The following GPC4 variants were observed in gnomAD, a reference collection of about 807,000 sequenced individuals.
GPC4 encodes the protein glypican 4.
GPC4 carries 10 observed loss-of-function variants against 35.0 expected under a neutral mutation model. The ratio of observed to expected loss-of-function variants is 0.29; its 90% CI spans 0.18 to 0.48. GPC4 has a LOEUF of 0.48. Among genes scored for constraint, GPC4 ranks in the 20% least tolerant of loss-of-function variants. The pLI, the probability that GPC4 is intolerant of heterozygous loss-of-function variation, is 0.99. For synonymous variants in GPC4, 167 were observed against 170.2 expected, an observed-to-expected ratio of 0.98 and a Z score of 0.15; for missense variants, 322 against 451.3, an observed-to-expected ratio of 0.71 and a Z score of 2.60.
At chrX:133,322,539 G>A (rs1315269843) in intron 3 of GPC4, among the ~76,000 whole-genome samples, 3 of 96,981 alleles carry the variant, frequency 3.1e-5, no homozygotes, top group African/African-American at 4.3e-5. Context: ...AAGCCTGGGC[G>A]ACAGAGTGAG....
At chrX:133,351,552 A>G (rs2068516265) in intron 1 of GPC4, among the ~76,000 whole-genome samples, 1 of 110,563 alleles carries the variant, frequency 9.0e-6, no homozygotes, top group Non-Finnish European at 1.9e-5. Flanking sequence ...CAATGTCCTC[A>G]GCCTTTATTA....
chrX:133,377,324 C>T lies in GPC4; in HGVS notation c.160+37482G>A, dbSNP rs191400773. Among the ~76,000 whole-genome samples the T allele has an allele frequency of 4.5e-5, 5 of 111,599 alleles. No individual in the cohort carries two copies. In the Admixed American group the frequency reaches 4.7e-4, roughly 11 times the overall value. The stretch of plus-strand genomic sequence containing the variant: ...CAGCCTTTTTAATACAATTTCCTCA[C>T]ATGCAACAGCACCAGTTCTTTTTTC... On this transcript the variant is annotated intron_variant, in intron 1 of 8. Transcript: ENST00000370828.
intron 1 of GPC4, among the ~76,000 whole-genome samples, chrX:133,353,821 C>G (rs1323602507): frequency 9.0e-6 from 1 of 111,291 alleles, no homozygotes; most frequent in African/African-American, 3.3e-5. Context: ...ACAACTGATG[C>G]AAGTGGTGAT....
intron 1 of GPC4, among the ~76,000 whole-genome samples, chrX:133,412,789 G>A (rs1025541684): frequency 9.0e-6 from 1 of 111,577 alleles, no homozygotes; most frequent in African/African-American, 3.3e-5. Context: ...CACCCTTCAA[G>A]CTTCCTTTTT....
chrX:133,412,369 T>G (rs1440859443), intron 1 of GPC4, among the ~76,000 whole-genome samples: 1 of 112,067 alleles, frequency 8.9e-6, no homozygotes, highest in East Asian at 2.8e-4. Context: ...TGTCCTAGAC[T>G]CAAATGAATG....
At chrX:133,352,087 T>A (rs2068518895) in intron 1 of GPC4, among the ~76,000 whole-genome samples, 1 of 111,100 alleles carries the variant, frequency 9.0e-6, no homozygotes, top group African/African-American at 3.3e-5. Context: ...TCCAACCCCC[T>A]CCCCACCACA....
intron 3 of GPC4, among the ~76,000 whole-genome samples, chrX:133,322,040 A>G (rs920234135): frequency 7.2e-5 from 8 of 111,855 alleles, no homozygotes; most frequent in Admixed American, 3.8e-4. Context: ...TTCATAATAA[A>G]CCATTCTTTA....
intron 1 of GPC4, among the ~76,000 whole-genome samples, chrX:133,408,126 A>G (rs942194618): frequency 8.0e-5 from 9 of 112,813 alleles, no homozygotes; most frequent in South Asian, 3.6e-4. Context: ...GAATCGCTTC[A>G]TGCATTTTCT....
chrX:133,352,458 A>G (rs1252189598), intron 1 of GPC4, among the ~76,000 whole-genome samples: 4 of 109,947 alleles, frequency 3.6e-5, no homozygotes, highest in Non-Finnish European at 7.6e-5. Flanking sequence ...TCCCACACAC[A>G]TGCTGTTTCA....
intron 1 of GPC4, among the ~76,000 whole-genome samples, chrX:133,357,681 C>T (rs894950654): frequency 3.6e-5 from 4 of 111,137 alleles, no homozygotes; most frequent in Non-Finnish European, 7.5e-5. Flanking sequence ...CCAGCTTAGG[C>T]TCAGTTCTGT....
At chrX:133,303,998 G>C (rs1307661824) in intron 7 of GPC4, among the ~76,000 whole-genome samples, 2 of 109,573 alleles carry the variant, frequency 1.8e-5, no homozygotes, top group Non-Finnish European at 3.8e-5. Flanking sequence ...TTGAAGTAAA[G>C]AAGTATGGGT....
At chrX:133,380,992 A>G (rs1236269833) in intron 1 of GPC4, among the ~76,000 whole-genome samples, 1 of 112,006 alleles carries the variant, frequency 8.9e-6, no homozygotes, top group African/African-American at 3.2e-5. Context: ...AGCAATTTTT[A>G]GTAAGCAATA....
At chrX:133,304,003 AT>A (rs2068280149) in intron 7 of GPC4, among the ~76,000 whole-genome samples, 1 of 109,156 alleles carries the variant, frequency 9.2e-6, no homozygotes, top group Admixed American at 9.9e-5. Context: ...GTAAAGAAGT[AT>A]GGGTACTGGC....
rs1305397701 is a variant in GPC4, at chrX:133,300,865, G to C, written c.*2002C>G. 9.0e-6 allele frequency: 1 copy of C among 111,475 alleles called. No individual in the cohort carries two copies. The highest frequency in any genetic ancestry group is 3.3e-5 in the African/African-American group (1 of 30,666). 9.2% of individuals were successfully genotyped at this position (111,475 alleles called of 1,213,427 possible). A position where few individuals can be genotyped will look rare whatever the true frequency, so the allele number is the denominator to read the frequency against. On this transcript the variant is annotated 3_prime_UTR_variant, in exon 9 of 9. Transcript: ENST00000370828. ...AAGTAATAGCAGTCTAAGCTAAAAA[G>C]GAAATTCCTCACAACTGAGGTAGTT...
At chrX:133,399,045 A>G (rs2068756987) in intron 1 of GPC4, among the ~76,000 whole-genome samples, 1 of 111,428 alleles carries the variant, frequency 9.0e-6, no homozygotes, top group South Asian at 3.9e-4. Context: ...GTCACCATTG[A>G]TAAAGGCTTG....
At chrX:133,397,175 A>G (rs1317915665) in intron 1 of GPC4, among the ~76,000 whole-genome samples, 1 of 112,471 alleles carries the variant, frequency 8.9e-6, no homozygotes, top group Non-Finnish European at 1.9e-5. Flanking sequence ...CTGTAATCCC[A>G]GCACTTTGGG....
At chrX:133,393,475 T>G (rs984999759) in intron 1 of GPC4, among the ~76,000 whole-genome samples, 2 of 107,898 alleles carry the variant, frequency 1.9e-5, no homozygotes, top group African/African-American at 6.8e-5. Context: ...AAGGGTGAAT[T>G]TGGGAAGTGC....
intron 1 of GPC4, among the ~76,000 whole-genome samples, chrX:133,349,805 G>C (rs2124142467): frequency 9.0e-6 from 1 of 111,268 alleles, no homozygotes; most frequent in East Asian, 2.8e-4. Flanking sequence ...ATTTTTTGTA[G>C]AGATGGGGTT....
chrX:133,380,341 C>T (rs2068655083), intron 1 of GPC4, among the ~76,000 whole-genome samples: 1 of 100,552 alleles, frequency 9.9e-6, no homozygotes. Context: ...TGTCTGCCCG[C>T]ACCACCCCCA....
Sources: allele counts gnomAD v4.1 joint callset (sites outside exome capture counted in the v4.1 genomes callset), GRCh38; gene constraint gnomAD v4.1.1; transcripts MANE v1.5; gene names NCBI Gene and HGNC (gene_info 2026-07-23, HGNC 2026-07-21).